Variants in FAM135B observed in about 807,000 individuals in gnomAD.
The protein encoded by FAM135B is protein FAM135B.
FAM135B carries 43 observed loss-of-function variants against 127.7 expected under a neutral mutation model. The ratio of observed to expected loss-of-function variants is 0.34; its 90% CI spans 0.26 to 0.43. The LOEUF is 0.43. Ranked by LOEUF, FAM135B falls within the 20% of genes least tolerant of loss-of-function variation. The pLI is 1.00. For missense variants in FAM135B, 1,558 were observed against 1,725.6 expected, an observed-to-expected ratio of 0.90 and a Z score of 1.72; for synonymous variants, 670 against 665.1, an observed-to-expected ratio of 1.01 and a Z score of -0.11.
chr8:138,297,787 T>C (rs16908786), intron 3 of FAM135B, among the ~76,000 whole-genome samples: 5,435 of 152,212 alleles, frequency 0.036, 251 homozygotes, highest in East Asian at 0.2. Flanking sequence ...CTCTGATGGA[T>C]AGGACTTAAA....
chr8:138,492,331 C>A (rs1229296031), intron 1 of FAM135B, among the ~76,000 whole-genome samples: 1 of 152,002 alleles, frequency 6.6e-6, no homozygotes, highest in Non-Finnish European at 1.5e-5. Flanking sequence ...TTCTCTGATA[C>A]CTTCCTTCTG....
At chr8:138,213,508 T>C (rs1479214406) in intron 7 of FAM135B, among the ~76,000 whole-genome samples, 1 of 50,794 alleles carries the variant, frequency 2.0e-5, no homozygotes, top group Admixed American at 1.9e-4. Flanking sequence ...ATGTAATTTC[T>C]TTTTTTTTTT....
chr8:138,382,809 C>A (rs367657351), intron 1 of FAM135B, among the ~76,000 whole-genome samples: 1 of 151,952 alleles, frequency 6.6e-6, no homozygotes, highest in Non-Finnish European at 1.5e-5. Context: ...TTAGAAATAC[C>A]CGACCCCCTC....
At chr8:138,386,493 G>T (rs1350797287) in intron 1 of FAM135B, among the ~76,000 whole-genome samples, 1 of 152,080 alleles carries the variant, frequency 6.6e-6, no homozygotes, top group Non-Finnish European at 1.5e-5. Context: ...CTAGAGTCTT[G>T]GAGGGCTGGA....
chr8:138,162,344 T>C (rs560144817), intron 12 of FAM135B, among the ~76,000 whole-genome samples: 1 of 152,330 alleles, frequency 6.6e-6, no homozygotes, highest in South Asian at 2.1e-4. Flanking sequence ...ATGGAACTAC[T>C]GTGTATGATA....
intron 2 of FAM135B, among the ~76,000 whole-genome samples, chr8:138,311,558 T>C (rs1826685585): frequency 6.6e-6 from 1 of 152,252 alleles, no homozygotes; most frequent in Non-Finnish European, 1.5e-5. Context: ...TTGCAATTAA[T>C]GACTTTTTGC....
At chr8:138,413,608 T>C (rs1370295855) in intron 1 of FAM135B, among the ~76,000 whole-genome samples, 1 of 152,232 alleles carries the variant, frequency 6.6e-6, no homozygotes. Flanking sequence ...ATTGAATGAA[T>C]GAATAAATCC....
chr8:138,341,327 T>C (rs1224003765), intron 2 of FAM135B, among the ~76,000 whole-genome samples: 2 of 152,218 alleles, frequency 1.3e-5, no homozygotes, highest in Non-Finnish European at 2.9e-5. Context: ...AAACAAATAC[T>C]GTATTATTCC....
chr8:138,307,715 G>A (rs1826367008), intron 3 of FAM135B, among the ~76,000 whole-genome samples: 2 of 134,164 alleles, frequency 1.5e-5, no homozygotes, highest in South Asian at 5.1e-4. Flanking sequence ...CAAAAGGTAT[G>A]ACTATCCCCA....
At chr8:138,419,933 C>A (rs983903909) in intron 1 of FAM135B, among the ~76,000 whole-genome samples, 1 of 151,944 alleles carries the variant, frequency 6.6e-6, no homozygotes, top group Admixed American at 6.5e-5. Context: ...CCTAGGGGAA[C>A]CAGAAAAACA....
Position 138,138,854 on chromosome 8 carries a change from G to A in FAM135B, c.3901+132C>T, listed in dbSNP as rs892722274. 5 of 627,764 alleles carry A rather than the reference G, an allele frequency of 8.0e-6. 1 individual carries two copies. The East Asian group carries it at 1.4e-4, about 18-fold the overall frequency. The allele number at this position is 627,764 out of a possible 1,614,324, so 38.9% of individuals were successfully genotyped here. ...TGTTGGCCTCCCAATGAGCCAAAGA[G>A]GCTTTGAGTGCTGGGCCTCCTGACT... On this transcript the variant is annotated intron_variant, in intron 18 of 19. Coordinates refer to ENST00000395297, the MANE Select transcript of FAM135B (RefSeq NM_015912.4).
rs1554694335 is a variant in FAM135B, at chr8:138,442,267, T to TACAC, written c.-20+54403_-20+54404insGTGT. On this transcript the variant is annotated intron_variant, in intron 1 of 19. Transcript: ENST00000395297. ...ATATATATATATATATATATATATATATATATATATGAAAAACCTTGGCAG... is the reference window on the plus strand; with the variant it reads ...ATATATATATATATATATATATATATACACATATATATATGAAAAACCTTGGCAG... 1.2e-3 allele frequency among the ~76,000 whole-genome samples: 102 copies of TACAC among 86,752 alleles called. 6 individuals carry two copies. The highest frequency in any genetic ancestry group is 2.0e-3 in the Non-Finnish European group (83 of 41,966). 56.9% of individuals were successfully genotyped at this position (86,752 alleles called of 152,430 possible).
intron 12 of FAM135B, among the ~76,000 whole-genome samples, chr8:138,158,189 G>C (rs1818961859): frequency 6.6e-6 from 1 of 152,150 alleles, no homozygotes; most frequent in African/African-American, 2.4e-5. Context: ...ACAAAAACAA[G>C]AAATGGGTAA....
chr8:138,461,953 A>G (rs1019051141), intron 1 of FAM135B, among the ~76,000 whole-genome samples: 9 of 151,994 alleles, frequency 5.9e-5, no homozygotes, highest in Non-Finnish European at 1.2e-4. Flanking sequence ...CCCGAATGAC[A>G]CAGATGAGCT....
chr8:138,244,166 G>A (rs528654701), intron 6 of FAM135B, among the ~76,000 whole-genome samples: 80 of 152,222 alleles, frequency 5.3e-4, no homozygotes, highest in South Asian at 1.9e-3. Flanking sequence ...TAGGTGCTAC[G>A]ATGATAAGAT....
chr8:138,401,273 T>C, intron 1 of FAM135B, among the ~76,000 whole-genome samples: 1 of 152,180 alleles, frequency 6.6e-6, no homozygotes, highest in East Asian at 1.9e-4. Flanking sequence ...GGAATTATTA[T>C]TTTGTAGGTT....
rs1353526181 is a variant in FAM135B at position 138,141,785 on chromosome 8, C to T, written c.3639-436G>A. 4.0e-5 allele frequency among the ~76,000 whole-genome samples: 6 copies of T among 151,764 alleles called. No individual in the cohort carries two copies. The highest frequency in any genetic ancestry group is 7.3e-5 in the African/African-American group (3 of 41,206). Reference sequence around the variant, plus strand: ...AATGCCATTCATCCTCTCCTTCACCCGCTGTGTATATATTGAACCACCTGC... The same window carrying T: ...AATGCCATTCATCCTCTCCTTCACCTGCTGTGTATATATTGAACCACCTGC... On this transcript the variant is annotated intron_variant, in intron 16 of 19. Transcript: ENST00000395297. This position sits in a 1 kb window ranked among gnomAD's most constrained non-coding sequence, Gnocchi z 4.7.
chr8:138,198,319 C>A (rs1426970842), intron 7 of FAM135B, among the ~76,000 whole-genome samples: 1 of 152,190 alleles, frequency 6.6e-6, no homozygotes, highest in Non-Finnish European at 1.5e-5. Flanking sequence ...GTCCATTAAA[C>A]CTCTTTCCTT....
chr8:138,209,148 C>T (rs945756304), intron 7 of FAM135B, among the ~76,000 whole-genome samples: 1 of 152,084 alleles, frequency 6.6e-6, no homozygotes, highest in Non-Finnish European at 1.5e-5. Context: ...GTGTGCCCAT[C>T]ACTGCGGTGA....
Sources: gnomAD v4.1 joint callset for allele counts (sites outside exome capture counted in the v4.1 genomes callset) on GRCh38, gnomAD v4.1.1 for gene constraint, Gnocchi (gnomAD v3.1) non-coding constraint, MANE v1.5 for transcripts, NCBI Gene and HGNC (gene_info 2026-07-23, HGNC 2026-07-21) for gene names.